Variants in ZRANB3 observed in about 807,000 individuals in gnomAD.
The protein encoded by ZRANB3 is DNA annealing helicase and endonuclease ZRANB3.
In ZRANB3, 125 loss-of-function variants were observed where a neutral mutation model predicts 133.8. The ratio of observed to expected loss-of-function variants is 0.93; its 90% CI spans 0.81 to 1.08. The LOEUF (loss-of-function observed/expected upper bound fraction) is 1.08. ZRANB3 is among the 50% of genes least tolerant of loss of function. The probability of loss-of-function intolerance (pLI) is 0.00; values close to 1 mark genes in which losing one functional copy is unlikely to be tolerated. For missense variants in ZRANB3, 1,229 were observed against 1,275.5 expected (o/e 0.96, Z 0.56); for synonymous variants, 387 against 432.7 (o/e 0.89, Z 1.31).
chr2:135,475,105 T>C (rs1273478464), intron 2 of ZRANB3, among the ~76,000 whole-genome samples: 1 of 152,250 alleles, frequency 6.6e-6, no homozygotes, highest in Non-Finnish European at 1.5e-5. Context: ...GTTTCCTCAT[T>C]TGTTGATGCC....
At chr2:135,441,868 A>G in intron 2 of ZRANB3, among the ~76,000 whole-genome samples, 1 of 152,188 alleles carries the variant, frequency 6.6e-6, no homozygotes, top group East Asian at 1.9e-4. Flanking sequence ...AATGGAGTCA[A>G]AGAGAAACAG....
intron 2 of ZRANB3, among the ~76,000 whole-genome samples, chr2:135,423,195 G>A (rs936965820): frequency 3.9e-5 from 6 of 152,186 alleles, no homozygotes; most frequent in Non-Finnish European, 1.5e-5. Context: ...CACTTTGGAA[G>A]GCTGAGGCGG....
intron 2 of ZRANB3, among the ~76,000 whole-genome samples, chr2:135,470,930 T>G (rs775273852): frequency 6.6e-6 from 1 of 150,730 alleles, no homozygotes; most frequent in Non-Finnish European, 1.5e-5. Flanking sequence ...GCCTCCTGAG[T>G]AGCTGGGACT....
chr2:135,456,592 T>C (rs560363518), intron 2 of ZRANB3, among the ~76,000 whole-genome samples: 3 of 152,334 alleles, frequency 2.0e-5, no homozygotes, highest in African/African-American at 7.2e-5. Context: ...GTTAATTTTA[T>C]GGGTAAAGTA....
intron 8 of ZRANB3, among the ~76,000 whole-genome samples, chr2:135,309,853 C>A (rs992791423): frequency 3.3e-5 from 5 of 152,212 alleles, no homozygotes; most frequent in Non-Finnish European, 7.4e-5. Context: ...AAAATTCATA[C>A]AGAAAAGCGA....
intron 5 of ZRANB3, among the ~76,000 whole-genome samples, chr2:135,348,258 CAA>C (rs552945986): frequency 3.4e-5 from 4 of 117,694 alleles, no homozygotes. Context: ...GACTCTGTCT[CAA>C]AAAAAAAAAA....
intron 3 of ZRANB3, among the ~76,000 whole-genome samples, chr2:135,369,753 C>T (rs1686088995): frequency 6.6e-6 from 1 of 152,112 alleles, no homozygotes; most frequent in Non-Finnish European, 1.5e-5. Context: ...ACAGGGCTTG[C>T]AAATCATTGA....
At chr2:135,218,496 TTCA>T (rs2105052336) in intron 16 of ZRANB3, among the ~76,000 whole-genome samples, 2 of 151,262 alleles carry the variant, frequency 1.3e-5, no homozygotes, top group East Asian at 3.9e-4. Context: ...CGGGCAATGC[TTCA>T]TTTCCACTCA....
chr2:135,283,109 T>C (rs1217231806), intron 8 of ZRANB3, among the ~76,000 whole-genome samples: 1 of 150,934 alleles, frequency 6.6e-6, no homozygotes, highest in Non-Finnish European at 1.5e-5. Flanking sequence ...ACATAGTGGG[T>C]GCCTGTATCT....
rs116896086 is a variant in ZRANB3 at position 135,262,669 on chromosome 2, T to C, written c.1539+2865A>G. 6.6e-4 allele frequency among the ~76,000 whole-genome samples: 101 copies of C among 152,140 alleles called. 1 individual carries two copies. In the East Asian group the frequency reaches 0.019, roughly 28 times the overall value. ...GGTAGCACATGCCTGTGGTCCTAGC[T>C]ACTCAGCAGGCTGAGATGGGAGAAT... On this transcript the variant is annotated intron_variant, in intron 12 of 20. Coordinates refer to ENST00000264159, the MANE Select transcript of ZRANB3 (RefSeq NM_032143.4).
intron 8 of ZRANB3, among the ~76,000 whole-genome samples, chr2:135,293,146 C>G (rs1466235177): frequency 2.6e-5 from 4 of 152,122 alleles, no homozygotes; most frequent in Admixed American, 6.5e-5. Flanking sequence ...TCATTAGTAG[C>G]TTGATGGGGA....
chr2:135,353,478 T>C lies in ZRANB3; in HGVS notation c.331A>G (p.Asn111Asp). The stretch of plus-strand genomic sequence containing the variant: ...ACATCAGTTTTATTCTGAATAACAT[T>C]GATTTCTTCTGGACTTAGCTCTGGG... ...WIPELSPEEI[N>D]VIQNKTDVRR... Residue 111 changes from asparagine to aspartate, a missense_variant, in exon 4 of 21, where the codon AAT (asparagine) becomes GAT (aspartate). Transcript: ENST00000264159. The C allele has an allele frequency of 6.2e-7, 1 of 1,600,682 alleles. No homozygotes were observed. The highest frequency in any genetic ancestry group is 8.5e-7 in the Non-Finnish European group (1 of 1,175,018).
chr2:135,344,509 G>C (rs1359646915), intron 6 of ZRANB3, among the ~76,000 whole-genome samples: 1 of 152,196 alleles, frequency 6.6e-6, no homozygotes, highest in East Asian at 1.9e-4. Flanking sequence ...GTCAAGGCAG[G>C]CAAATCACCT....
chr2:135,437,946 T>G (rs1183817505), intron 2 of ZRANB3, among the ~76,000 whole-genome samples: 2 of 151,668 alleles, frequency 1.3e-5, no homozygotes, highest in Admixed American at 1.3e-4. Flanking sequence ...CAGTGGAGAG[T>G]GTGAATAGAA....
In ZRANB3 at chr2:135,371,899, C is replaced by T. The variant is rs114466075; in HGVS notation, c.181-18271G>A. ...TCCTTTTAAAAGAGACTTCAGCCCA[C>T]GCACGGTGGCTCACACCTGTAATTC... is the stretch of plus-strand genomic sequence containing the variant. On this transcript the variant is annotated intron_variant, in intron 3 of 20. Transcript: ENST00000264159. Among the ~76,000 whole-genome samples the T allele has an allele frequency of 2.9e-3, 446 of 152,206 alleles. 1 individual carries two copies. Among genetic ancestry groups the T allele is most frequent in the South Asian group, 8.5e-3 (41 of 4,822 alleles).
At chr2:135,317,431 T>G (rs148779837) in intron 6 of ZRANB3, among the ~76,000 whole-genome samples, 2 of 152,264 alleles carry the variant, frequency 1.3e-5, no homozygotes, top group East Asian at 3.9e-4. Flanking sequence ...GAAAATGCAG[T>G]GTTTGCCATT....
intron 1 of ZRANB3, among the ~76,000 whole-genome samples, chr2:135,514,238 G>C (rs1221304426): frequency 6.6e-6 from 1 of 152,120 alleles, no homozygotes; most frequent in Non-Finnish European, 1.5e-5. Context: ...GGGCAATATG[G>C]CCACTTTCAC....
intron 8 of ZRANB3, among the ~76,000 whole-genome samples, chr2:135,284,648 T>A (rs1217979026): frequency 6.6e-6 from 1 of 151,990 alleles, no homozygotes. Context: ...ATTTTTTGTA[T>A]TTTTAGTAGA....
rs760940669 is a variant in ZRANB3, at chr2:135,200,327, A to G, written c.*15T>C. The G allele has an allele frequency of 1.3e-6, 2 of 1,561,740 alleles. No homozygotes were observed. The highest frequency in any genetic ancestry group is 2.3e-5 in the South Asian group (2 of 85,416). On this transcript the variant is annotated 3_prime_UTR_variant, in exon 21 of 21. Transcript: ENST00000264159. ...CATGTAAACCATTTGTCATTCATTC[A>G]TATATTTTTCTACTTTACTTCTTTA...
Sources: gnomAD v4.1 joint callset for allele counts (sites outside exome capture counted in the v4.1 genomes callset) on GRCh38, gnomAD v4.1.1 for gene constraint, MANE v1.5 for transcripts, NCBI Gene and HGNC (gene_info 2026-07-23, HGNC 2026-07-21) for gene names.